The following ZNF717 variants were observed in gnomAD, a reference collection of about 807,000 sequenced individuals.
ZNF717 encodes the protein krueppel-like factor X17.
Under a neutral mutation model 13.8 loss-of-function variants are expected in ZNF717, and 9 were observed. That is an observed-to-expected ratio of 0.65 (90% CI 0.39 to 1.14). The LOEUF (loss-of-function observed/expected upper bound fraction) is 1.14, where lower values mean the gene tolerates loss of function less well. Among genes scored for constraint, ZNF717 ranks in the 50% most tolerant of loss-of-function variants. ZNF717 has a pLI of 0.01. For synonymous variants in ZNF717, 327 were observed against 364.1 expected, an observed-to-expected ratio of 0.90 and a Z score of 1.16; for missense variants, 1,040 against 1,080.7, an observed-to-expected ratio of 0.96 and a Z score of 0.53.
At chr3:75,744,878 G>T (rs1363244907) in intron 2 of ZNF717, among the ~76,000 whole-genome samples, 4 of 152,180 alleles carry the variant, frequency 2.6e-5, no homozygotes, top group African/African-American at 9.6e-5. Context: ...AAATAACCTA[G>T]GGGAAGGGAA....
chr3:75,735,329 T>G (rs1939028292), downstream of ZNF717, among the ~76,000 whole-genome samples: 1 of 152,062 alleles, frequency 6.6e-6, no homozygotes, highest in African/African-American at 2.4e-5. Context: ...CCAGGGCAAC[T>G]AGTAAAAACC....
intron 4 of ZNF717, among the ~76,000 whole-genome samples, chr3:75,718,548 T>C (rs76788072): frequency 1.3e-5 from 2 of 152,100 alleles, no homozygotes; most frequent in Non-Finnish European, 2.9e-5. Flanking sequence ...TATACAGTTA[T>C]ATAAGTTACA....
chr3:75,732,178 A>G (rs1938620046), downstream of ZNF717: 1 of 702,440 alleles, frequency 1.4e-6, no homozygotes, highest in Non-Finnish European at 2.6e-6. Context: ...CCTGTTCTTA[A>G]CAAGGCTTAT....
rs577163476 is a variant in ZNF717 at position 75,778,783 on chromosome 3, C to T, written c.57+4523G>A. ...TGGGAGTGTCATGCTAAACCAGAAA[C>T]CCAAAACAATGGGAGTGATATGCTA... On this transcript the variant is annotated intron_variant, in intron 2 of 4. Transcript: ENST00000652011. Among the ~76,000 whole-genome samples the T allele has an allele frequency of 4.3e-5, 6 of 138,638 alleles. No individual in the cohort carries two copies. The Admixed American group carries it at 4.4e-4, about 10-fold the overall frequency. The allele number at this position is 138,638 out of a possible 152,430, so 91.0% of individuals were successfully genotyped here. A position where few individuals can be genotyped will look rare whatever the true frequency, so the allele number is the denominator to read the frequency against.
At chr3:75,734,815 A>ATTTTT (rs1469622349), downstream of ZNF717, among the ~76,000 whole-genome samples, 16 of 43,252 alleles carry the variant, frequency 3.7e-4, no homozygotes, top group Non-Finnish European at 4.7e-4. Flanking sequence ...ATATATATAT[A>ATTTTT]TATTTTTTTT....
chr3:75,746,411 T>G (rs1941177850), intron 2 of ZNF717, among the ~76,000 whole-genome samples: 1 of 152,180 alleles, frequency 6.6e-6, no homozygotes, highest in African/African-American at 2.4e-5. Flanking sequence ...ATGGGATGGC[T>G]GGGTCAAATG....
At chr3:75,767,732 G>A (rs1367862547) in intron 2 of ZNF717, among the ~76,000 whole-genome samples, 1 of 152,210 alleles carries the variant, frequency 6.6e-6, no homozygotes, top group Non-Finnish European at 1.5e-5. Flanking sequence ...TGAGAAGAAT[G>A]TGGAAAGTGC....
chr3:75,734,098 C>A (rs796116672), downstream of ZNF717, among the ~76,000 whole-genome samples: 7 of 151,544 alleles, frequency 4.6e-5, no homozygotes, highest in African/African-American at 1.7e-4. Flanking sequence ...GAGACAGAGT[C>A]TCTCTCTGTT....
chr3:75,775,453 A>C (rs1221939850), intron 2 of ZNF717, among the ~76,000 whole-genome samples: 8 of 152,258 alleles, frequency 5.3e-5, no homozygotes, highest in Non-Finnish European at 1.0e-4. Flanking sequence ...AAGAATGAAA[A>C]GGACCCTGAA....
intron 2 of ZNF717, among the ~76,000 whole-genome samples, chr3:75,778,675 A>ACTGG (rs1559692330): frequency 2.8e-5 from 4 of 144,114 alleles, no homozygotes; most frequent in Admixed American, 6.9e-5. Context: ...GCTAAACCAA[A>ACTGG]AACCCAAAAC....
chr3:75,722,404 C>A (rs78649614), intron 4 of ZNF717, among the ~76,000 whole-genome samples: 1 of 152,098 alleles, frequency 6.6e-6, no homozygotes, highest in Non-Finnish European at 1.5e-5. Context: ...CTGAAGACAG[C>A]TTTATACTCA....
At chr3:75,771,341 A>G (rs2107644074) in intron 2 of ZNF717, among the ~76,000 whole-genome samples, 1 of 152,312 alleles carries the variant, frequency 6.6e-6, no homozygotes, top group Admixed American at 6.5e-5. Flanking sequence ...ATCTTCCACC[A>G]TGTAGCTGTG....
Position 75,738,195 on chromosome 3 carries a change from T to C in ZNF717, c.1428A>G (p.Glu476=), listed in dbSNP as rs1311706044. 80 of 1,560,786 alleles carry C rather than the reference T, an allele frequency of 5.1e-5. No individual in the cohort carries two copies. The African/African-American group carries it at 8.4e-4, about 16-fold the overall frequency. The change falls in exon 5 of 5, where the codon GAA becomes GAG. Residue 476 remains glutamate, a synonymous_variant. Coordinates refer to ENST00000652011, the MANE Select transcript of ZNF717 (RefSeq NM_001290208.3). ...CACATTCATTGCATTCATAGGGTTT[T>C]TCCCCTGTGTGAGTTCTCTGATGTA... ...LRLHQRTHTG[E]KPYECNECGK... is the part of the protein sequence containing the mutation.
At chr3:75,780,376 T>G (rs1944720202) in intron 2 of ZNF717, among the ~76,000 whole-genome samples, 1 of 152,246 alleles carries the variant, frequency 6.6e-6, no homozygotes, top group African/African-American at 2.4e-5. Flanking sequence ...GGTCACACTC[T>G]CAACTAAGTG....
intron 2 of ZNF717, among the ~76,000 whole-genome samples, chr3:75,772,347 G>A (rs1284023265): frequency 2.6e-5 from 4 of 152,252 alleles, no homozygotes; most frequent in Non-Finnish European, 5.9e-5. Context: ...TGAAAGAGGT[G>A]TAACATAAAC....
chr3:75,700,002 A>C (rs1937653646), intron 6 of ZNF717, among the ~76,000 whole-genome samples: 1 of 152,308 alleles, frequency 6.6e-6, no homozygotes, highest in Non-Finnish European at 1.5e-5. Context: ...AGGACCCAAA[A>C]ATTGGAAAGA....
At chr3:75,719,902 G>A (rs1319542198) in intron 4 of ZNF717, among the ~76,000 whole-genome samples, 1 of 151,868 alleles carries the variant, frequency 6.6e-6, no homozygotes, top group Non-Finnish European at 1.5e-5. Context: ...AGGTTGCAGT[G>A]AGCTGAGATG....
intron 5 of ZNF717, among the ~76,000 whole-genome samples, chr3:75,714,714 G>C (rs1938012164): frequency 6.6e-6 from 1 of 151,900 alleles, no homozygotes; most frequent in South Asian, 2.1e-4. Flanking sequence ...CCATTTTGAA[G>C]ATATTTCTAT....
intron 2 of ZNF717, among the ~76,000 whole-genome samples, chr3:75,753,408 T>G (rs113291030): frequency 1.8e-5 from 1 of 55,626 alleles, no homozygotes; most frequent in Non-Finnish European, 4.7e-5. Context: ...AATGTTTGCC[T>G]CTCACATAGG....
Sources: gnomAD v4.1 joint callset for allele counts (sites outside exome capture counted in the v4.1 genomes callset) on GRCh38, gnomAD v4.1.1 for gene constraint, MANE v1.5 for transcripts, NCBI Gene and HGNC (gene_info 2026-07-23, HGNC 2026-07-21) for gene names.